PRSS23: variants seen among roughly 807,000 people sequenced by gnomAD.
PRSS23 encodes the protein serine protease 23, also known as protease, serine 23.
Under a neutral mutation model 34.7 loss-of-function variants are expected in PRSS23, and 25 were observed. The ratio of observed to expected loss-of-function variants is 0.72; its 90% CI spans 0.53 to 1.01. The LOEUF is 1.01. Among genes scored for constraint, PRSS23 ranks in the 50% least tolerant of loss-of-function variants. The probability of loss-of-function intolerance (pLI) is 0.00; values close to 1 mark genes in which losing one functional copy is unlikely to be tolerated. For synonymous variants in PRSS23, 176 were observed against 186.6 expected (o/e 0.94, Z 0.46); for missense variants, 445 against 475.6 (o/e 0.94, Z 0.60).
chr11:86,946,052 A>C (rs1487875607), intron 2 of PRSS23: 1 of 152,500 alleles, frequency 6.6e-6, no homozygotes, highest in Admixed American at 6.5e-5. Context: ...CCTTTCTTAC[A>C]AAGAGCTCAA....
chr11:86,847,483 A>G (rs1225757046), intron 2 of PRSS23, among the ~76,000 whole-genome samples: 1 of 152,210 alleles, frequency 6.6e-6, no homozygotes, highest in Non-Finnish European at 1.5e-5. Context: ...TGGAGAGCTC[A>G]GGAAAAGCGG....
At chr11:86,870,987 A>G (rs185831295) in intron 2 of PRSS23, among the ~76,000 whole-genome samples, 362 of 152,252 alleles carry the variant, frequency 2.4e-3, no homozygotes, top group African/African-American at 8.4e-3. Flanking sequence ...CATCTCTGGG[A>G]CTATTTATAT....
chr11:86,843,311 A>T (rs1231594236), intron 2 of PRSS23, among the ~76,000 whole-genome samples: 1 of 152,252 alleles, frequency 6.6e-6, no homozygotes, highest in East Asian at 1.9e-4. Context: ...CTAACACCAT[A>T]AAAATTCTAG....
intron 2 of PRSS23, among the ~76,000 whole-genome samples, chr11:86,823,872 A>G (rs1015550934): frequency 8.0e-5 from 12 of 149,918 alleles, no homozygotes; most frequent in African/African-American, 1.5e-4. Context: ...CGGGCGTGGT[A>G]GCGGGCGCCT....
At chr11:86,857,618 A>C (rs1293943957) in intron 2 of PRSS23, 5 of 519,208 alleles carry the variant, frequency 9.6e-6, no homozygotes, top group Admixed American at 4.0e-5. Flanking sequence ...TCGGTAGTGC[A>C]GGGGGTGACA....
chr11:86,911,165 A>C (rs1474724256), intron 2 of PRSS23: 1 of 152,186 alleles, frequency 6.6e-6, no homozygotes. Context: ...TTTCATGATT[A>C]GATGAATAAA....
intron 2 of PRSS23, among the ~76,000 whole-genome samples, chr11:86,832,186 C>T (rs190943444): frequency 5.9e-5 from 9 of 152,130 alleles, no homozygotes; most frequent in East Asian, 1.9e-4. Context: ...TTCATAATAT[C>T]GTAGGGAGAT....
intron 2 of PRSS23, among the ~76,000 whole-genome samples, chr11:86,880,457 A>T (rs1047439302): frequency 2.0e-4 from 30 of 151,172 alleles, no homozygotes; most frequent in Non-Finnish European, 3.4e-4. Context: ...AAAATAAAAA[A>T]AATAAAAAGA....
chr11:86,813,908 A>C (rs533477387), downstream of PRSS23, among the ~76,000 whole-genome samples: 1 of 152,280 alleles, frequency 6.6e-6, no homozygotes, highest in African/African-American at 2.4e-5. Context: ...TTGACTTTGG[A>C]AGTAGAGGAT....
At chr11:86,878,201 G>A (rs919347824) in intron 2 of PRSS23, among the ~76,000 whole-genome samples, 2 of 133,620 alleles carry the variant, frequency 1.5e-5, no homozygotes, top group African/African-American at 6.0e-5. Context: ...AAAAAATTTG[G>A]ATTTCTCCCT....
intron 2 of PRSS23, among the ~76,000 whole-genome samples, chr11:86,878,124 A>G (rs986676359): frequency 1.3e-5 from 2 of 152,142 alleles, no homozygotes; most frequent in Non-Finnish European, 2.9e-5. Context: ...CTGCATCCAA[A>G]ACTAAAATTG....
chr11:86,808,985 G>T lies in PRSS23; in HGVS notation c.*190G>T, dbSNP rs747324649. 1.4e-5 allele frequency: 8 copies of T among 561,404 alleles called. No homozygotes were observed. The highest frequency in any genetic ancestry group is 1.1e-4 in the Admixed American group (3 of 27,956). 34.8% of individuals were successfully genotyped at this position (561,404 alleles called of 1,614,324 possible). ...CTTTACTATTTGAAAACTGGTTTGT[G>T]TATCATATCATATATCATTTAAGCA... On this transcript the variant is annotated 3_prime_UTR_variant, in exon 2 of 2. Transcript: ENST00000280258.
intron 2 of PRSS23, among the ~76,000 whole-genome samples, chr11:86,836,020 G>T (rs1173179711): frequency 6.6e-6 from 1 of 152,138 alleles, no homozygotes; most frequent in East Asian, 1.9e-4. Context: ...TTCTTCAAAG[G>T]CAAACAAGAA....
intron 1 of PRSS23, among the ~76,000 whole-genome samples, chr11:86,807,245 A>G (rs185395784): frequency 8.3e-4 from 126 of 152,250 alleles, no homozygotes; most frequent in Admixed American, 1.6e-3. Context: ...CGGGGACATC[A>G]TGAAGGTAGA....
intron 2 of PRSS23, among the ~76,000 whole-genome samples, chr11:86,827,222 G>A (rs1249389398): frequency 6.6e-6 from 1 of 152,210 alleles, no homozygotes; most frequent in African/African-American, 2.4e-5. Context: ...TTAGTCTTGG[G>A]AGGGTGTATG....
intron 1 of PRSS23, among the ~76,000 whole-genome samples, chr11:86,802,252 G>C (rs1948048869): frequency 6.6e-6 from 1 of 152,102 alleles, no homozygotes; most frequent in Non-Finnish European, 1.5e-5. Flanking sequence ...TGCCAGGTTT[G>C]TCCCAGGCTC....
intron 2 of PRSS23, among the ~76,000 whole-genome samples, chr11:86,823,775 G>C (rs1948272750): frequency 2.6e-5 from 4 of 152,094 alleles, no homozygotes; most frequent in Admixed American, 2.6e-4. Flanking sequence ...GGGAGGCCGA[G>C]GCGGGCGGAT....
chr11:86,808,718 G>T lies in PRSS23; in HGVS notation c.1075G>T (p.Val359Phe). Residue 359 changes from valine (V) to phenylalanine (F), a missense_variant, in exon 2 of 2, where the codon GTC becomes TTC. Transcript: ENST00000280258. The part of the protein sequence containing the change: ...NGSPQDFNVA[V>F]RITPLKYAQI... ...TTCCCCACAGGATTTCAACGTGGCTGTCAGAATCACTCCTCTCAAATATGC... is the reference window on the plus strand; with the variant it reads ...TTCCCCACAGGATTTCAACGTGGCTTTCAGAATCACTCCTCTCAAATATGC... The T allele has an allele frequency of 6.2e-7, 1 of 1,614,168 alleles. No individual in the cohort carries two copies. Among genetic ancestry groups the T allele is most frequent in the Non-Finnish European group, 8.5e-7 (1 of 1,180,042 alleles).
Position 86,899,245 on chromosome 11 carries a change from G to A in PRSS23, c.207-51971G>A, listed in dbSNP as rs149296906. Among the ~76,000 whole-genome samples, 1,040 of 152,214 alleles carry A rather than the reference G, an allele frequency of 6.8e-3. 11 individuals are homozygous for A. Among genetic ancestry groups the A allele is most frequent in the African/African-American group, 0.024 (1,008 of 41,528 alleles). On this transcript the variant is annotated intron_variant, in intron 2 of 2. Transcript: ENST00000533902. ...GAAAAAAATACTACCCTGGCCAGGC[G>A]TGGCTTCTCACACCTGTAATACCAG...
Sources: gnomAD v4.1 joint callset for allele counts (sites outside exome capture counted in the v4.1 genomes callset) on GRCh38, gnomAD v4.1.1 for gene constraint, MANE v1.5 for transcripts, NCBI Gene and HGNC (gene_info 2026-07-23, HGNC 2026-07-21) for gene names.